The following PPFIA2 variants were observed in gnomAD, a reference collection of about 807,000 sequenced individuals.
The protein encoded by PPFIA2 is PPFI scaffold protein A2, also known as liprin-alpha-2.
Under a neutral mutation model 175.5 loss-of-function variants are expected in PPFIA2, and 46 were observed. That is an observed-to-expected ratio of 0.26 (90% CI 0.21 to 0.34). The LOEUF is 0.34. Ranked by LOEUF, PPFIA2 falls within the 10% of genes least tolerant of loss-of-function variation. The probability of loss-of-function intolerance (pLI) is 1.00; values close to 1 mark genes in which losing one functional copy is unlikely to be tolerated. For missense variants in PPFIA2, 1,179 were observed against 1,506.1 expected (o/e 0.78, Z 3.60); for synonymous variants, 568 against 511.4 (o/e 1.11, Z -1.49).
At chr12:81,656,554 A>G (rs1479258647) in intron 4 of PPFIA2, among the ~76,000 whole-genome samples, 1 of 152,156 alleles carries the variant, frequency 6.6e-6, no homozygotes, top group Non-Finnish European at 1.5e-5. Context: ...TTGTCAATAG[A>G]AGAAAAATAG....
intron 17 of PPFIA2, among the ~76,000 whole-genome samples, chr12:81,352,028 A>G (rs1392044810): frequency 6.6e-6 from 1 of 152,048 alleles, no homozygotes; most frequent in Admixed American, 6.6e-5. Flanking sequence ...ATTTTTTCTC[A>G]AGTGTTCCAG....
chr12:81,542,874 G>A (rs2066427794), intron 4 of PPFIA2, among the ~76,000 whole-genome samples: 1 of 152,018 alleles, frequency 6.6e-6, no homozygotes, highest in Non-Finnish European at 1.5e-5. Flanking sequence ...AGGGCATGAT[G>A]GTTCAAGCTA....
At chr12:81,350,900 GA>G (rs1489545812) in intron 17 of PPFIA2, among the ~76,000 whole-genome samples, 3 of 151,880 alleles carry the variant, frequency 2.0e-5, no homozygotes, top group African/African-American at 7.3e-5. Context: ...GACCCAGAAA[GA>G]AAAAAGAAAG....
intron 3 of PPFIA2, among the ~76,000 whole-genome samples, chr12:81,692,910 G>A (rs1307143005): frequency 1.3e-5 from 2 of 152,002 alleles, no homozygotes; most frequent in Non-Finnish European, 2.9e-5. Flanking sequence ...AAAATTCTAT[G>A]ACGAAAAAGC....
At chr12:81,272,759 C>G (rs1363257267) in intron 28 of PPFIA2, among the ~76,000 whole-genome samples, 1 of 152,028 alleles carries the variant, frequency 6.6e-6, no homozygotes, top group Non-Finnish European at 1.5e-5. Context: ...TCAACTTCTT[C>G]TTAAAAGGAC....
intron 4 of PPFIA2, among the ~76,000 whole-genome samples, chr12:81,564,418 G>T (rs1251801717): frequency 6.6e-6 from 1 of 152,168 alleles, no homozygotes; most frequent in Non-Finnish European, 1.5e-5. Context: ...TACTGCTAGT[G>T]ACCTTTCTAC....
At chr12:81,422,835 T>G (rs1052419408) in intron 7 of PPFIA2, among the ~76,000 whole-genome samples, 1 of 152,042 alleles carries the variant, frequency 6.6e-6, no homozygotes, top group East Asian at 1.9e-4. Context: ...TGCACTGGGA[T>G]TAAGTTTCAA....
chr12:81,366,430 T>C (rs1233713445), intron 14 of PPFIA2, among the ~76,000 whole-genome samples: 1 of 151,604 alleles, frequency 6.6e-6, no homozygotes, highest in Non-Finnish European at 1.5e-5. Flanking sequence ...TCATGCCACA[T>C]GCACTATGTT....
intron 3 of PPFIA2, among the ~76,000 whole-genome samples, chr12:81,679,281 A>C (rs191621259): frequency 6.6e-6 from 1 of 152,052 alleles, no homozygotes; most frequent in African/African-American, 2.4e-5. Context: ...AAAATGAAAA[A>C]AAGATACCAA....
chr12:81,598,619 T>A (rs2059494053), intron 4 of PPFIA2, among the ~76,000 whole-genome samples: 1 of 150,948 alleles, frequency 6.6e-6, no homozygotes, highest in Admixed American at 6.6e-5. Flanking sequence ...CAACAAGATG[T>A]GATTTTTTTT....
intron 4 of PPFIA2, among the ~76,000 whole-genome samples, chr12:81,511,604 T>C (rs974475059): frequency 2.0e-5 from 3 of 152,022 alleles, no homozygotes; most frequent in African/African-American, 7.2e-5. Context: ...ATACTGTAGG[T>C]TCTGTGAGGG....
intron 8 of PPFIA2, among the ~76,000 whole-genome samples, chr12:81,398,712 C>G (rs529160308): frequency 1.3e-5 from 2 of 152,208 alleles, no homozygotes; most frequent in Non-Finnish European, 2.9e-5. Flanking sequence ...ATTTGGCTAA[C>G]TTTAAAGGTT....
At chr12:81,701,828 C>T (rs2076509798) in intron 3 of PPFIA2, among the ~76,000 whole-genome samples, 1 of 148,934 alleles carries the variant, frequency 6.7e-6, no homozygotes, top group Non-Finnish European at 1.5e-5. Flanking sequence ...TCGTCAGTCA[C>T]ACAACTGTTC....
chr12:81,726,171 A>AT (rs1479623504), intron 3 of PPFIA2, among the ~76,000 whole-genome samples: 1 of 151,140 alleles, frequency 6.6e-6, no homozygotes, highest in Non-Finnish European at 1.5e-5. Context: ...AAAATAATGT[A>AT]TTTTTCTACT....
At chr12:81,490,159 T>C (rs187270142) in intron 4 of PPFIA2, among the ~76,000 whole-genome samples, 1 of 152,048 alleles carries the variant, frequency 6.6e-6, no homozygotes, top group Non-Finnish European at 1.5e-5. Context: ...TCAAATTTAC[T>C]ATGTTTGTGA....
At chr12:81,591,607 C>T (rs1417329941) in intron 4 of PPFIA2, among the ~76,000 whole-genome samples, 2 of 152,088 alleles carry the variant, frequency 1.3e-5, no homozygotes, top group African/African-American at 4.8e-5. Flanking sequence ...GCCCTACGTC[C>T]CAGCTACACC....
chr12:81,517,671 G>T (rs777307128), intron 4 of PPFIA2, among the ~76,000 whole-genome samples: 56 of 152,042 alleles, frequency 3.7e-4, no homozygotes, highest in Admixed American at 1.2e-3. Flanking sequence ...TCCATATTCT[G>T]CAATTCTTCA....
chr12:81,407,361 T>C (rs954191482), intron 7 of PPFIA2, among the ~76,000 whole-genome samples: 1 of 151,796 alleles, frequency 6.6e-6, no homozygotes, highest in Admixed American at 6.6e-5. Context: ...TGGGCGCCTG[T>C]AATCCCAGCT....
rs2049931423 is a variant in PPFIA2, at chr12:81,308,549, A to T, written c.2643-9167T>A. Among the ~76,000 whole-genome samples the T allele has an allele frequency of 2.0e-5, 3 of 152,324 alleles. No individual in the cohort carries two copies. In the South Asian group the frequency reaches 6.2e-4, roughly 32 times the overall value. ...CATTTCTGAAATTTTTCATAACTGAAAAATGAGGATAATAGCACCTTCCTT... is the reference window on the plus strand; with the variant it reads ...CATTTCTGAAATTTTTCATAACTGATAAATGAGGATAATAGCACCTTCCTT... On this transcript the variant is annotated intron_variant, in intron 22 of 32. Coordinates refer to ENST00000549396, the MANE Select transcript of PPFIA2 (RefSeq NM_003625.5).
Sources: gnomAD v4.1 joint callset for allele counts (sites outside exome capture counted in the v4.1 genomes callset) on GRCh38, gnomAD v4.1.1 for gene constraint, MANE v1.5 for transcripts, NCBI Gene and HGNC (gene_info 2026-07-23, HGNC 2026-07-21) for gene names.